SDK1: variants seen among roughly 807,000 people sequenced by gnomAD.
SDK1 encodes the protein protein sidekick-1.
SDK1 carries 157 observed loss-of-function variants against 245.5 expected under a neutral mutation model. That is an observed-to-expected ratio of 0.64 (90% CI 0.56 to 0.73). SDK1 has a LOEUF of 0.73. Ranked by LOEUF, SDK1 falls within the 30% of genes least tolerant of loss-of-function variation. The probability of loss-of-function intolerance (pLI) is 0.00; values close to 1 mark genes in which losing one functional copy is unlikely to be tolerated. For synonymous variants in SDK1, 1,647 were observed against 1,278.5 expected (o/e 1.29, Z -6.15); for missense variants, 3,583 against 3,002.3 (o/e 1.19, Z -4.52).
At chr7:3,626,644 C>G (rs915432722) in intron 2 of SDK1, among the ~76,000 whole-genome samples, 1 of 152,222 alleles carries the variant, frequency 6.6e-6, no homozygotes, top group East Asian at 1.9e-4. Flanking sequence ...CTTCTCTCCT[C>G]CTCACCTCTG....
At position 4,029,228 on chromosome 7, in the gene SDK1, T is replaced by TTTTTTTTTTGTG. The variant is rs746967075; in HGVS notation, c.2602+11877_2602+11878insTTTTTTTTGTGT. On this transcript the variant is annotated intron_variant, in intron 17 of 44. Transcript: ENST00000404826. ...TTTTATTCTTTCTTTTTTTTTTTTT[T>TTTTTTTTTTGTG]TGTGAAGAAGTCTCACTCTGTCATC... Among the ~76,000 whole-genome samples the TTTTTTTTTTGTG allele has an allele frequency of 5.6e-3, 632 of 111,998 alleles. 103 individuals are homozygous for TTTTTTTTTTGTG. The highest frequency in any genetic ancestry group is 0.024 in the African/African-American group (485 of 20,048). The allele number at this position is 111,998 out of a possible 152,430, so 73.5% of individuals were successfully genotyped here.
intron 17 of SDK1, among the ~76,000 whole-genome samples, chr7:4,041,449 T>TA (rs1788631219): frequency 6.6e-6 from 1 of 152,156 alleles, no homozygotes; most frequent in Non-Finnish European, 1.5e-5. Context: ...CCTACCTTGA[T>TA]ACATCACTAC....
intron 1 of SDK1, among the ~76,000 whole-genome samples, chr7:3,446,013 T>A (rs922904482): frequency 6.6e-6 from 1 of 152,176 alleles, no homozygotes; most frequent in African/African-American, 2.4e-5. Flanking sequence ...AGGATAATTT[T>A]GCTGGATATA....
chr7:4,090,572 G>A (rs780195398), intron 22 of SDK1, among the ~76,000 whole-genome samples: 2 of 152,142 alleles, frequency 1.3e-5, no homozygotes, highest in Admixed American at 6.5e-5. Flanking sequence ...GCTGGCTTCT[G>A]TATTCTTTTG....
chr7:4,024,924 C>T lies in SDK1; in HGVS notation c.2602+7572C>T, dbSNP rs150209352. On this transcript the variant is annotated intron_variant, in intron 17 of 44. Coordinates refer to ENST00000404826, the MANE Select transcript of SDK1 (RefSeq NM_152744.4). ...TTATGTGGAATAGAAAAGACATGGG[C>T]GTGCTTCTCACTCTGCCGCCGTAGA... is the stretch of plus-strand genomic sequence containing the variant. Among the ~76,000 whole-genome samples, 8 of 152,168 alleles carry T rather than the reference C, an allele frequency of 5.3e-5. No individual in the cohort carries two copies. The East Asian group carries it at 9.7e-4, about 18-fold the overall frequency.
intron 22 of SDK1, among the ~76,000 whole-genome samples, chr7:4,098,240 TGAC>T: frequency 6.6e-6 from 1 of 152,314 alleles, no homozygotes; most frequent in African/African-American, 2.4e-5. Context: ...GCCGCATACG[TGAC>T]AACTCAAGTG....
intron 1 of SDK1, among the ~76,000 whole-genome samples, chr7:3,562,608 T>C (rs573095737): frequency 6.6e-6 from 1 of 152,346 alleles, no homozygotes; most frequent in Non-Finnish European, 1.5e-5. Context: ...CTGGAGAGTC[T>C]GGAGGAAACT....
chr7:3,583,273 C>T (rs1008249445), intron 1 of SDK1, among the ~76,000 whole-genome samples: 1 of 152,174 alleles, frequency 6.6e-6, no homozygotes, highest in Non-Finnish European at 1.5e-5. Flanking sequence ...TCCATCTTTC[C>T]GGGAGTAAAC....
intron 2 of SDK1, among the ~76,000 whole-genome samples, chr7:3,620,111 G>C (rs969871982): frequency 6.6e-6 from 1 of 151,964 alleles, no homozygotes; most frequent in Admixed American, 6.6e-5. Flanking sequence ...CTGTATAGAG[G>C]CATTTTAAGT....
intron 4 of SDK1, among the ~76,000 whole-genome samples, chr7:3,756,813 G>A (rs539125535): frequency 1.3e-5 from 2 of 152,190 alleles, no homozygotes; most frequent in African/African-American, 2.4e-5. Flanking sequence ...TTAGACTGGG[G>A]TTATGGATTT....
At chr7:4,196,548 C>T (rs572740970) in intron 35 of SDK1, among the ~76,000 whole-genome samples, 3 of 152,310 alleles carry the variant, frequency 2.0e-5, no homozygotes, top group South Asian at 4.1e-4. Context: ...CTCTCCACGC[C>T]GTAACTCTCC....
chr7:3,799,218 C>T (rs1311962881), intron 4 of SDK1, among the ~76,000 whole-genome samples: 1 of 152,058 alleles, frequency 6.6e-6, no homozygotes, highest in Non-Finnish European at 1.5e-5. Context: ...TCAGGACATT[C>T]AGTTGGTATG....
chr7:4,163,160 G>C (rs1324036834), intron 32 of SDK1, among the ~76,000 whole-genome samples: 1 of 152,244 alleles, frequency 6.6e-6, no homozygotes, highest in African/African-American at 2.4e-5. Flanking sequence ...GTGCCAGGGA[G>C]CTGGGAACAT....
intron 1 of SDK1, among the ~76,000 whole-genome samples, chr7:3,310,051 T>C (rs1187988261): frequency 6.6e-6 from 1 of 152,226 alleles, no homozygotes; most frequent in Admixed American, 6.5e-5. Flanking sequence ...AGGGAATAAC[T>C]AGAGCCACAT....
At chr7:4,036,786 A>G (rs1454739722) in intron 17 of SDK1, among the ~76,000 whole-genome samples, 1 of 152,194 alleles carries the variant, frequency 6.6e-6, no homozygotes, top group African/African-American at 2.4e-5. Flanking sequence ...CTAAGAAAAC[A>G]GGCCCTCACC....
Position 4,020,392 on chromosome 7 carries a change from C to T in SDK1, c.2602+3040C>T, listed in dbSNP as rs537432305. Among the ~76,000 whole-genome samples, 94 of 152,242 alleles carry T rather than the reference C, an allele frequency of 6.2e-4. 2 individuals carry two copies. Among genetic ancestry groups the T allele is most frequent in the African/African-American group, 2.1e-3 (89 of 41,554 alleles). Reference sequence around the variant, plus strand: ...AGGACCTCCCAGCCAGCCACGCTGCCGCTGAACAGAATGAAGCGAGCGTAT... The same window carrying T: ...AGGACCTCCCAGCCAGCCACGCTGCTGCTGAACAGAATGAAGCGAGCGTAT... On this transcript the variant is annotated intron_variant, in intron 17 of 44. Transcript: ENST00000404826.
chr7:3,537,292 T>C (rs1430471133), intron 1 of SDK1, among the ~76,000 whole-genome samples: 4 of 152,234 alleles, frequency 2.6e-5, no homozygotes, highest in Admixed American at 1.3e-4. Context: ...TGTCTTAAAA[T>C]ACCCATTGTT....
At chr7:3,530,868 C>G (rs1783320771) in intron 1 of SDK1, among the ~76,000 whole-genome samples, 1 of 152,146 alleles carries the variant, frequency 6.6e-6, no homozygotes, top group African/African-American at 2.4e-5. Context: ...TTTCCCTATG[C>G]ATAAAAACAT....
At chr7:3,479,241 G>A (rs1781436329) in intron 1 of SDK1, among the ~76,000 whole-genome samples, 1 of 151,744 alleles carries the variant, frequency 6.6e-6, no homozygotes, top group Non-Finnish European at 1.5e-5. Context: ...GGCCAACGTG[G>A]CAAAACCCCG....
Sources: allele counts gnomAD v4.1 joint callset (sites outside exome capture counted in the v4.1 genomes callset), GRCh38; gene constraint gnomAD v4.1.1; transcripts MANE v1.5; gene names NCBI Gene and HGNC (gene_info 2026-07-23, HGNC 2026-07-21).